DTNBP1: variants seen among roughly 807,000 people sequenced by gnomAD.
The protein encoded by DTNBP1 is dystrobrevin binding protein 1, also known as dysbindin.
A neutral mutation model predicts 42.8 loss-of-function variants in DTNBP1; 35 were observed. That is an observed-to-expected ratio of 0.82 (90% confidence interval 0.63 to 1.09). The LOEUF (loss-of-function observed/expected upper bound fraction) is 1.09, where lower values mean the gene tolerates loss of function less well. Among genes scored for constraint, DTNBP1 ranks in the 50% least tolerant of loss-of-function variants. The probability of loss-of-function intolerance (pLI) is 0.00; values close to 1 mark genes in which losing one functional copy is unlikely to be tolerated. For missense variants in DTNBP1, 457 were observed against 424.2 expected, an observed-to-expected ratio of 1.08 and a Z score of -0.68; for synonymous variants, 171 against 162.2, an observed-to-expected ratio of 1.05 and a Z score of -0.41.
chr6:15,587,609 C>G lies in DTNBP1; in HGVS notation c.511+5450G>C, dbSNP rs187324830. On this transcript the variant is annotated intron_variant, in intron 7 of 9. Coordinates refer to ENST00000344537, the MANE Select transcript of DTNBP1 (RefSeq NM_032122.5). The surrounding 1 kb of genome is among the most constrained non-coding windows in gnomAD (Gnocchi z 4.1). ...TTACATTATGGTCACTGGTTTCCTA[C>G]AAAGGTGCCAAAGCAATTCAATGGG... Among the ~76,000 whole-genome samples the G allele has an allele frequency of 2.8e-4, 43 of 152,246 alleles. No homozygotes were observed. Among genetic ancestry groups the G allele is most frequent in the Admixed American group, 8.5e-4 (13 of 15,290 alleles).
chr6:15,532,559 G>C (rs1396052116), intron 8 of DTNBP1, among the ~76,000 whole-genome samples: 1 of 152,120 alleles, frequency 6.6e-6, no homozygotes, highest in Non-Finnish European at 1.5e-5. Context: ...TAGATAAGCA[G>C]ACTCGACAGA....
At chr6:15,609,604 C>A (rs1269711364) in intron 6 of DTNBP1, among the ~76,000 whole-genome samples, 1 of 152,234 alleles carries the variant, frequency 6.6e-6, no homozygotes, top group African/African-American at 2.4e-5. Flanking sequence ...CAGGCGTGAG[C>A]CACCACGCCC....
At chr6:15,588,257 T>C (rs1414626984) in intron 7 of DTNBP1, among the ~76,000 whole-genome samples, 2 of 152,224 alleles carry the variant, frequency 1.3e-5, no homozygotes, top group African/African-American at 4.8e-5. Context: ...TCTAATAGTT[T>C]CCCAACTGAT....
intron 5 of DTNBP1, among the ~76,000 whole-genome samples, chr6:15,626,238 C>A (rs1759338197): frequency 6.6e-6 from 1 of 152,202 alleles, no homozygotes. Flanking sequence ...ATAATAAAAG[C>A]TACTTTTGTG....
At chr6:15,619,074 G>A (rs1758889544) in intron 5 of DTNBP1, among the ~76,000 whole-genome samples, 1 of 152,156 alleles carries the variant, frequency 6.6e-6, no homozygotes, top group Non-Finnish European at 1.5e-5. Context: ...AGAGGCTGCT[G>A]GGGAGGTGGG....
intron 1 of DTNBP1, among the ~76,000 whole-genome samples, chr6:15,661,519 G>A (rs1283960282): frequency 6.6e-6 from 1 of 151,960 alleles, no homozygotes; most frequent in African/African-American, 2.4e-5. Context: ...TAAGCCGGGC[G>A]CCTCTAGTCC....
chr6:15,652,123 T>G lies in DTNBP1; in HGVS notation c.74A>C (p.Asp25Ala). ...TTTCACTTTTGCTTCTCTTGACTTGTCACTTAAAGTCTTCAGCCTATAATT... is the reference window on the plus strand; with the variant it reads ...TTTCACTTTTGCTTCTCTTGACTTGGCACTTAAAGTCTTCAGCCTATAATT... ...DFTSGLKTLS[D>A]KSREAKVKSK... The change falls in exon 2 of 10, where the codon GAC becomes GCC. Residue 25 changes from aspartate (D) to alanine (A), a missense_variant. Coordinates refer to ENST00000344537, the MANE Select transcript of DTNBP1 (RefSeq NM_032122.5). 1 of 1,611,660 alleles carries G rather than the reference T, an allele frequency of 6.2e-7. No individual in the cohort carries two copies. The highest frequency in any genetic ancestry group is 1.1e-5 in the South Asian group (1 of 90,844).
intron 2 of DTNBP1, among the ~76,000 whole-genome samples, chr6:15,651,701 A>G (rs1761006634): frequency 6.6e-6 from 1 of 152,200 alleles, no homozygotes; most frequent in African/African-American, 2.4e-5. Flanking sequence ...ATGGACAAAC[A>G]GCACAATCCT....
At chr6:15,642,425 C>A (rs993981543) in intron 3 of DTNBP1, among the ~76,000 whole-genome samples, 1 of 152,178 alleles carries the variant, frequency 6.6e-6, no homozygotes, top group African/African-American at 2.4e-5. Flanking sequence ...GATCTCTTCC[C>A]GCCACCATCC....
At chr6:15,618,801 A>C (rs1261481472) in intron 5 of DTNBP1, among the ~76,000 whole-genome samples, 1 of 152,198 alleles carries the variant, frequency 6.6e-6, no homozygotes, top group East Asian at 1.9e-4. Context: ...CTCTATACAC[A>C]ATAGCCGAGA....
At chr6:15,598,536 T>G (rs1286562681) in intron 6 of DTNBP1, among the ~76,000 whole-genome samples, 1 of 152,198 alleles carries the variant, frequency 6.6e-6, no homozygotes, top group East Asian at 1.9e-4. Flanking sequence ...TTATGGCTGA[T>G]GGACAGAACC....
chr6:15,615,239 A>C (rs757598532), intron 6 of DTNBP1, 28 bp downstream of exon 6: 1 of 1,614,114 alleles, frequency 6.2e-7, no homozygotes, highest in South Asian at 1.1e-5. Context: ...GACTGGAATG[A>C]ATACTGTGGC....
At chr6:15,536,630 G>A (rs1295071999) in intron 7 of DTNBP1, among the ~76,000 whole-genome samples, 1 of 152,268 alleles carries the variant, frequency 6.6e-6, no homozygotes, top group Admixed American at 6.5e-5. Flanking sequence ...CTGCTGCAGG[G>A]ACACAGCCCT....
intron 6 of DTNBP1, among the ~76,000 whole-genome samples, chr6:15,598,908 T>C (rs898881056): frequency 2.0e-5 from 3 of 152,222 alleles, no homozygotes; most frequent in Non-Finnish European, 4.4e-5. Flanking sequence ...ATGCTATTAA[T>C]ATAAATTGTA....
At chr6:15,600,107 C>T (rs1776671211) in intron 6 of DTNBP1, among the ~76,000 whole-genome samples, 1 of 152,044 alleles carries the variant, frequency 6.6e-6, no homozygotes, top group South Asian at 2.1e-4. Context: ...GGCACCAGGC[C>T]CTAAAATCTC....
intron 7 of DTNBP1, among the ~76,000 whole-genome samples, chr6:15,584,920 T>A (rs1311162724): frequency 6.7e-6 from 1 of 148,696 alleles, no homozygotes; most frequent in Non-Finnish European, 1.5e-5. Flanking sequence ...TTTTCAGGTA[T>A]TTTTTGCAGT....
At chr6:15,589,040 A>ATT (rs1198501653) in intron 7 of DTNBP1, among the ~76,000 whole-genome samples, 2 of 152,238 alleles carry the variant, frequency 1.3e-5, no homozygotes, top group Admixed American at 1.3e-4. Context: ...TCACTTAAGT[A>ATT]TTGTTCAATG....
At chr6:15,647,400 G>T (rs1760751879) in intron 3 of DTNBP1, among the ~76,000 whole-genome samples, 1 of 151,760 alleles carries the variant, frequency 6.6e-6, no homozygotes. Flanking sequence ...ATATAAAACA[G>T]AAAGGAACCA....
At chr6:15,600,548 A>G (rs1262574759) in intron 6 of DTNBP1, among the ~76,000 whole-genome samples, 1 of 152,196 alleles carries the variant, frequency 6.6e-6, no homozygotes, top group African/African-American at 2.4e-5. Flanking sequence ...GCACTCTAAC[A>G]GTAATATAAA....
Sources: gnomAD v4.1 joint callset for allele counts (sites outside exome capture counted in the v4.1 genomes callset) on GRCh38, gnomAD v4.1.1 for gene constraint, Gnocchi (gnomAD v3.1) non-coding constraint, MANE v1.5 for transcripts, NCBI Gene and HGNC (gene_info 2026-07-23, HGNC 2026-07-21) for gene names.